MTMR2: variants seen among roughly 807,000 people sequenced by gnomAD.
MTMR2 encodes myotubularin related protein 2.
Under a neutral mutation model 86.9 loss-of-function variants are expected in MTMR2, and 55 were observed. The ratio of observed to expected loss-of-function variants is 0.63; its 90% CI spans 0.51 to 0.79. The LOEUF (loss-of-function observed/expected upper bound fraction) is 0.79. Ranked by LOEUF, MTMR2 falls within the 30% of genes least tolerant of loss-of-function variation. The pLI is 0.00. For missense variants in MTMR2, 659 were observed against 772.3 expected, an observed-to-expected ratio of 0.85 and a Z score of 1.74; for synonymous variants, 241 against 266.8, an observed-to-expected ratio of 0.90 and a Z score of 0.94.
Position 95,833,808 on chromosome 11 carries a change from C to T in MTMR2, c.*1482G>A, listed in dbSNP as rs552909703. On this transcript the variant is annotated 3_prime_UTR_variant, in exon 15 of 15. Transcript: ENST00000346299. ...ATGCCCTGTTAAAAAGCTTATATTTCACACAATTACCAAAGAAATCATTTT... is the reference window on the plus strand; with the variant it reads ...ATGCCCTGTTAAAAAGCTTATATTTTACACAATTACCAAAGAAATCATTTT... 35 of 152,116 alleles carry T rather than the reference C, an allele frequency of 2.3e-4. No homozygotes were observed. Among genetic ancestry groups the T allele is most frequent in the African/African-American group, 7.7e-4 (32 of 41,528 alleles). 9.4% of individuals were successfully genotyped at this position (152,116 alleles called of 1,614,324 possible).
intron 1 of MTMR2, among the ~76,000 whole-genome samples, chr11:95,900,709 G>A (rs1450677702): frequency 6.6e-6 from 1 of 152,058 alleles, no homozygotes; most frequent in African/African-American, 2.4e-5. Context: ...GGAGAGGTGT[G>A]TGTGTGTGCA....
At chr11:95,904,704 G>C (rs1866191768) in intron 1 of MTMR2, among the ~76,000 whole-genome samples, 1 of 152,204 alleles carries the variant, frequency 6.6e-6, no homozygotes, top group African/African-American at 2.4e-5. Flanking sequence ...AAATGGGCAA[G>C]CCACAGCCCT....
chr11:95,909,451 G>C (rs1765890861), intron 1 of MTMR2, among the ~76,000 whole-genome samples: 1 of 152,110 alleles, frequency 6.6e-6, no homozygotes, highest in African/African-American at 2.4e-5. Context: ...TTTTAATGCT[G>C]CAAAGGCAGA....
intron 2 of MTMR2, among the ~76,000 whole-genome samples, chr11:95,886,942 A>C (rs1865535007): frequency 6.6e-6 from 1 of 152,150 alleles, no homozygotes; most frequent in Admixed American, 6.5e-5. Flanking sequence ...TGTATGCTTC[A>C]AGATAATGGC....
rs1402885565 is a variant in MTMR2, at chr11:95,865,650, T to C, written c.213A>G (p.Ala71=). 19 of 1,613,830 alleles carry C rather than the reference T, an allele frequency of 1.2e-5. 1 individual carries two copies. Among genetic ancestry groups the C allele is most frequent in the African/African-American group, 1.1e-4 (8 of 74,920 alleles). Reference sequence around the variant, plus strand: ...GAAGCAAGGGTGGTTCTTCCATTTCTGCTAACTTGTTAGACTCCCTCAGGA... The same window carrying C: ...GAAGCAAGGGTGGTTCTTCCATTTCCGCTAACTTGTTAGACTCCCTCAGGA... ...LRVLRESNKL[A]EMEEPPLLPG... is the part of the protein sequence containing the mutation. Residue 71 remains alanine (A), a synonymous_variant, in exon 3 of 15, where the codon GCA becomes GCG. Coordinates refer to ENST00000346299, the MANE Select transcript of MTMR2 (RefSeq NM_016156.6).
At chr11:95,923,851 C>T (rs1452530396) in intron 1 of MTMR2, 24 bp downstream of exon 1, 1 of 1,538,718 alleles carries the variant, frequency 6.5e-7, no homozygotes, top group East Asian at 2.4e-5. Context: ...GGACGCTGGG[C>T]GGGGCCCTGG....
At chr11:95,897,647 T>C (rs953069669) in intron 1 of MTMR2, among the ~76,000 whole-genome samples, 1 of 152,180 alleles carries the variant, frequency 6.6e-6, no homozygotes, top group African/African-American at 2.4e-5. Flanking sequence ...CATGTGATTT[T>C]ATCAGAAACT....
At chr11:95,879,377 A>T (rs955550045) in intron 2 of MTMR2, among the ~76,000 whole-genome samples, 1 of 152,188 alleles carries the variant, frequency 6.6e-6, no homozygotes, top group African/African-American at 2.4e-5. Context: ...ACCTGGAATC[A>T]TCATCTTTGA....
chr11:95,910,113 A>G (rs1240409598), intron 1 of MTMR2, among the ~76,000 whole-genome samples: 2 of 143,930 alleles, frequency 1.4e-5, no homozygotes, highest in African/African-American at 5.0e-5. Context: ...ACACACACAC[A>G]CGCACGCATG....
intron 2 of MTMR2, among the ~76,000 whole-genome samples, chr11:95,887,003 G>A (rs939748570): frequency 2.0e-5 from 3 of 152,224 alleles, no homozygotes; most frequent in Admixed American, 6.5e-5. Context: ...TGCAGATTAC[G>A]AAGATAAGCC....
intron 2 of MTMR2, among the ~76,000 whole-genome samples, chr11:95,877,332 C>CTTTTT (rs764782930): frequency 2.9e-4 from 31 of 106,276 alleles, no homozygotes; most frequent in South Asian, 7.2e-4. Context: ...CAGGGAAGCC[C>CTTTTT]TTTTTTTTTT....
At chr11:95,873,766 A>G (rs1003113684) in intron 2 of MTMR2, among the ~76,000 whole-genome samples, 3 of 152,072 alleles carry the variant, frequency 2.0e-5, no homozygotes, top group African/African-American at 7.2e-5. Flanking sequence ...ACTGCTTTGA[A>G]TGTGTCCCAG....
At chr11:95,868,273 T>TAAAAAAAAAAAAAAAAAAAAAAAAAGAAA (rs1864695287) in intron 2 of MTMR2, among the ~76,000 whole-genome samples, 1 of 42,214 alleles carries the variant, frequency 2.4e-5, no homozygotes, top group Non-Finnish European at 4.0e-5. Flanking sequence ...GACCCTGTGC[T>TAAAAAAAAAAAAAAAAAAAAAAAAAGAAA]AAAAAAAAAA....
At chr11:95,845,901 AAAG>A (rs1436624997) in intron 10 of MTMR2, among the ~76,000 whole-genome samples, 2 of 151,380 alleles carry the variant, frequency 1.3e-5, no homozygotes, top group Non-Finnish European at 2.9e-5. Flanking sequence ...AAAAAAAAAA[AAAG>A]GACAATACAG....
Position 95,865,581 on chromosome 11 carries a change from C to G in MTMR2, c.262+20G>C, listed in dbSNP as rs567305562. ...CAGTAGAACGGAGAAGGACATTAAG[C>G]AAAAAATACCATTACGGACCCATGT... On this transcript the variant is annotated intron_variant, in intron 3 of 14. Transcript: ENST00000346299. 6.4e-5 allele frequency: 101 copies of G among 1,585,532 alleles called. 1 individual carries two copies. The South Asian group carries it at 1.0e-3, about 16-fold the overall frequency.
intron 2 of MTMR2, among the ~76,000 whole-genome samples, chr11:95,871,422 A>G (rs1659314651): frequency 2.0e-5 from 3 of 152,126 alleles, no homozygotes; most frequent in African/African-American, 7.2e-5. Context: ...CTTTTTAATG[A>G]TCGCCATTCT....
chr11:95,862,224 TACAA>T, intron 4 of MTMR2, 44 bp downstream of exon 4: 3 of 1,490,916 alleles, frequency 2.0e-6, no homozygotes, highest in Non-Finnish European at 2.7e-6. Flanking sequence ...CAAAACTAGC[TACAA>T]ACAACACACT....
chr11:95,835,275 T>G lies in MTMR2; in HGVS notation c.*15A>C, dbSNP rs767705774. On this transcript the variant is annotated 3_prime_UTR_variant, in exon 15 of 15. Transcript: ENST00000346299. ...CAAGAGTGTATAGCAATGATGCCCC[T>G]GATCTTACAGTCCTTTATACAACAG... The G allele has an allele frequency of 6.2e-7, 1 of 1,612,244 alleles. No homozygotes were observed. The highest frequency in any genetic ancestry group is 1.1e-5 in the South Asian group (1 of 91,024).
At chr11:95,887,982 T>G in intron 2 of MTMR2, among the ~76,000 whole-genome samples, 174 bp downstream of exon 2, 1 of 152,234 alleles carries the variant, frequency 6.6e-6, no homozygotes, top group East Asian at 1.9e-4. Flanking sequence ...CACATTTTTC[T>G]TTTACAAATA....
Sources: allele counts gnomAD v4.1 joint callset (sites outside exome capture counted in the v4.1 genomes callset), GRCh38; gene constraint gnomAD v4.1.1; transcripts MANE v1.5; gene names NCBI Gene and HGNC (gene_info 2026-07-23, HGNC 2026-07-21).